Variants in CCDC117 observed in about 807,000 individuals in gnomAD.
The protein encoded by CCDC117 is coiled-coil domain containing 117.
A neutral mutation model predicts 23.5 loss-of-function variants in CCDC117; 1 was observed. That is an observed-to-expected ratio of 0.04 (90% CI 0.02 to 0.20). CCDC117 has a LOEUF of 0.20. CCDC117 is among the 10% of genes least tolerant of loss of function. CCDC117 has a pLI of 1.00. For synonymous variants in CCDC117, 132 were observed against 124.8 expected, an observed-to-expected ratio of 1.06 and a Z score of -0.39; for missense variants, 383 against 348.2, an observed-to-expected ratio of 1.10 and a Z score of -0.80.
At chr22:28,773,609 A>G (rs1415806055) in intron 1 of CCDC117, 116 bp from the exon 2 acceptor site, 13 of 810,296 alleles carry the variant, frequency 1.6e-5, no homozygotes, top group African/African-American at 8.5e-5. Context: ...CACTAGGCTC[A>G]GAAAGGGACG....
At chr22:28,780,891 T>C in intron 2 of CCDC117, 57 bp from the exon 3 acceptor site, 2 of 1,297,540 alleles carry the variant, frequency 1.5e-6, no homozygotes, top group Admixed American at 2.1e-5. Context: ...ATAGGAATGA[T>C]AAACATTTCA....
Position 28,780,970 on chromosome 22 carries a change from A to G in CCDC117, c.262A>G (p.Ile88Val). The change falls in exon 3 of 5, where the codon ATA (isoleucine) becomes GTA (valine). Residue 88 changes from isoleucine to valine, a missense_variant. Physicochemically the swap from Ile to Val is conservative, Grantham distance 29. Coordinates refer to ENST00000249064, the MANE Select transcript of CCDC117 (RefSeq NM_173510.4). Reference protein sequence around the residue: ...DDDCPVRKKRITEAELCAGPN... With the variant: ...DDDCPVRKKRVTEAELCAGPN... The stretch of plus-strand genomic sequence containing the variant: ...CAGTTGTCCAGTAAGAAAGAAAAGG[A>G]TAACTGAAGCAGAGCTCTGTGCTGG... The G allele has an allele frequency of 4.3e-6, 7 of 1,613,396 alleles. No individual in the cohort carries two copies. Among genetic ancestry groups the G allele is most frequent in the Non-Finnish European group, 5.1e-6 (6 of 1,179,516 alleles).
At chr22:28,773,701 A>G in intron 1 of CCDC117, 24 bp from the exon 2 acceptor site, 2 of 1,600,346 alleles carry the variant, frequency 1.2e-6, no homozygotes, top group South Asian at 1.1e-5. Flanking sequence ...TTCTTAATTG[A>G]CTGATTTTTG....
rs2031035471 is a variant in CCDC117, at chr22:28,773,011, C to G, written c.162C>G (p.Pro54=). The G allele has an allele frequency of 8.5e-7, 1 of 1,180,396 alleles. No homozygotes were observed. Among genetic ancestry groups the G allele is most frequent in the South Asian group, 4.2e-5 (1 of 23,924 alleles). 73.1% of individuals were successfully genotyped at this position (1,180,396 alleles called of 1,614,324 possible). The change falls in exon 1 of 5, where the codon CCC becomes CCG. Residue 54 remains proline (P), a synonymous_variant. Transcript: ENST00000249064. ...GACCTCGCGCAGTCCCTAGCAGTCC[C>G]GCTGGGAGTGCGGCGCGCGGACGGT... ...RPGPRAVPSS[P]AGSAARGRVS...
At chr22:28,782,308 G>A (rs966310670) in intron 3 of CCDC117, among the ~76,000 whole-genome samples, 1 of 141,456 alleles carries the variant, frequency 7.1e-6, no homozygotes, top group Non-Finnish European at 1.5e-5. Context: ...CCAGGCTGGA[G>A]TACAATGGTG....
chr22:28,773,342 G>C (rs1046065848), intron 1 of CCDC117: 2 of 181,668 alleles, frequency 1.1e-5, no homozygotes, highest in Admixed American at 5.9e-5. Flanking sequence ...GTGCCCCCTC[G>C]GCGCGGCCGC....
In CCDC117 at chr22:28,786,743, T is replaced by A. The variant is rs1318961581; in HGVS notation, c.*417T>A. 5.8e-6 allele frequency: 1 copy of A among 172,164 alleles called. No individual in the cohort carries two copies. Among genetic ancestry groups the A allele is most frequent in the Non-Finnish European group, 1.3e-5 (1 of 78,714 alleles). The allele number at this position is 172,164 out of a possible 1,614,324, so 10.7% of individuals were successfully genotyped here. A position where few individuals can be genotyped will look rare whatever the true frequency, so the allele number is the denominator to read the frequency against. Reference sequence around the variant, plus strand: ...GACAGTTAAGTCACAGCTTAATGTGTAGATATGAGCTGTTTACAGTGGTGA... The same window carrying A: ...GACAGTTAAGTCACAGCTTAATGTGAAGATATGAGCTGTTTACAGTGGTGA... On this transcript the variant is annotated 3_prime_UTR_variant, in exon 5 of 5. Transcript: ENST00000249064.
At chr22:28,776,368 T>A (rs2031160580) in intron 2 of CCDC117, among the ~76,000 whole-genome samples, 1 of 151,994 alleles carries the variant, frequency 6.6e-6, no homozygotes, top group South Asian at 2.1e-4. Flanking sequence ...CACTCCATCC[T>A]AGGTGACAGA....
intron 2 of CCDC117, among the ~76,000 whole-genome samples, chr22:28,780,327 C>T (rs1232640089): frequency 6.6e-6 from 1 of 152,154 alleles, no homozygotes; most frequent in Non-Finnish European, 1.5e-5. Context: ...TCACCCACAC[C>T]TGTAATATTA....
rs1225580625 is a variant in CCDC117, at chr22:28,789,058, A to C, written c.*2732A>C. 1 of 152,324 alleles carries C rather than the reference A, an allele frequency of 6.6e-6. No homozygotes were observed. The highest frequency in any genetic ancestry group is 1.5e-5 in the Non-Finnish European group (1 of 67,982). The allele number at this position is 152,324 out of a possible 1,614,324, so 9.4% of individuals were successfully genotyped here. The stretch of plus-strand genomic sequence containing the variant: ...TTAAAAAACTTACTCTTTCTTGAAA[A>C]GGTACACATGTAAAATTTAGGAAAA... On this transcript the variant is annotated 3_prime_UTR_variant, in exon 5 of 5. Coordinates refer to ENST00000249064, the MANE Select transcript of CCDC117 (RefSeq NM_173510.4).
At chr22:28,780,916 G>T in intron 2 of CCDC117, 32 bp from the exon 3 acceptor site, 2 of 1,478,060 alleles carry the variant, frequency 1.4e-6, no homozygotes, top group South Asian at 1.2e-5. Flanking sequence ...TATTAGTTGG[G>T]ATTTTCATTG....
Position 28,772,958 on chromosome 22 carries a change from G to T in CCDC117, c.109G>T (p.Asp37Tyr). Residue 37 changes from aspartate to tyrosine, a missense_variant, in exon 1 of 5, where the codon GAC becomes TAC. Asp to Tyr is a radical substitution (Grantham distance 160). Coordinates refer to ENST00000249064, the MANE Select transcript of CCDC117 (RefSeq NM_173510.4). The part of the protein sequence containing the change: ...FPGRAFPPGA[D>Y]GAELAPRPGP... ...CGGCCGGGCCTTCCCGCCGGGGGCT[G>T]ACGGCGCCGAGTTGGCCCCGCGGCC... The T allele has an allele frequency of 1.6e-6, 2 of 1,213,046 alleles. No homozygotes were observed. The highest frequency in any genetic ancestry group is 2.0e-6 in the Non-Finnish European group (2 of 975,810). 75.1% of individuals were successfully genotyped at this position (1,213,046 alleles called of 1,614,324 possible).
At chr22:28,773,676 CA>C in intron 1 of CCDC117, 48 bp from the exon 2 acceptor site, 1 of 1,476,556 alleles carries the variant, frequency 6.8e-7, no homozygotes, top group Non-Finnish European at 9.5e-7. Context: ...ACTGAAACCA[CA>C]AGCTCGAGTA....
Position 28,772,736 on chromosome 22 carries a change from GT to G in CCDC117, c.-113del. 1.2e-6 allele frequency: 1 copy of G among 838,788 alleles called. No homozygotes were observed. The highest frequency in any genetic ancestry group is 1.6e-6 in the Non-Finnish European group (1 of 638,276). The allele number at this position is 838,788 out of a possible 1,614,324, so 52.0% of individuals were successfully genotyped here. Reference sequence around the variant, plus strand: ...AGGGTTCTAGAAGGCGTGACGTGGGGTCGAGAGCGGGATCCGAGGCTGGCGG... The same window carrying G: ...AGGGTTCTAGAAGGCGTGACGTGGGGCGAGAGCGGGATCCGAGGCTGGCGG... On this transcript the variant is annotated 5_prime_UTR_variant, in exon 1 of 5. Coordinates refer to ENST00000249064, the MANE Select transcript of CCDC117 (RefSeq NM_173510.4).
At position 28,787,799 on chromosome 22, in the gene CCDC117, A is replaced by G. The variant is rs2031561292; in HGVS notation, c.*1473A>G. 6.6e-6 allele frequency: 1 copy of G among 152,358 alleles called. No individual in the cohort carries two copies. The highest frequency in any genetic ancestry group is 2.1e-4 in the South Asian group (1 of 4,826). 9.4% of individuals were successfully genotyped at this position (152,358 alleles called of 1,614,324 possible). A position where few individuals can be genotyped will look rare whatever the true frequency, so the allele number is the denominator to read the frequency against. ...GAGTGTAATGGTATAATGCCCTTCC[A>G]TCACACAACAGGACACCACCCCAGT... On this transcript the variant is annotated 3_prime_UTR_variant, in exon 5 of 5. Transcript: ENST00000249064.
At position 28,772,982 on chromosome 22, in the gene CCDC117, C is replaced by T. The variant is rs2031033175; in HGVS notation, c.133C>T (p.Pro45Ser). 3 of 1,201,816 alleles carry T rather than the reference C, an allele frequency of 2.5e-6. No homozygotes were observed. Among genetic ancestry groups the T allele is most frequent in the Non-Finnish European group, 1.0e-6 (1 of 968,400 alleles). 74.4% of individuals were successfully genotyped at this position (1,201,816 alleles called of 1,614,324 possible). A position where few individuals can be genotyped will look rare whatever the true frequency, so the allele number is the denominator to read the frequency against. ...TGACGGCGCCGAGTTGGCCCCGCGG[C>T]CGGGACCTCGCGCAGTCCCTAGCAG... Reference protein sequence around the residue: ...GADGAELAPRPGPRAVPSSPA... With the variant: ...GADGAELAPRSGPRAVPSSPA... Residue 45 changes from proline (P) to serine (S), a missense_variant, in exon 1 of 5, where the codon CCG (proline) becomes TCG (serine). Transcript: ENST00000249064.
At chr22:28,785,076 A>G (rs1197069500) in intron 4 of CCDC117, among the ~76,000 whole-genome samples, 3 of 151,134 alleles carry the variant, frequency 2.0e-5, no homozygotes, top group South Asian at 2.1e-4. Flanking sequence ...AGCCAAGGGT[A>G]TCTCATTATT....
chr22:28,778,710 C>T (rs542627491), intron 2 of CCDC117, among the ~76,000 whole-genome samples: 7 of 152,220 alleles, frequency 4.6e-5, no homozygotes, highest in South Asian at 2.1e-4. Context: ...TAGAAACTAT[C>T]GGCTTAAAAA....
intron 4 of CCDC117, among the ~76,000 whole-genome samples, chr22:28,785,106 C>T (rs1254840952): frequency 6.6e-5 from 10 of 152,106 alleles, no homozygotes; most frequent in Non-Finnish European, 1.2e-4. Context: ...ATTTTTGCTT[C>T]GTCTTTGGGC....
Sources: allele counts gnomAD v4.1 joint callset (sites outside exome capture counted in the v4.1 genomes callset), GRCh38; gene constraint gnomAD v4.1.1; transcripts MANE v1.5; gene names NCBI Gene and HGNC (gene_info 2026-07-23, HGNC 2026-07-21).